Variants in CNOT2 observed in about 807,000 individuals in gnomAD.
The protein encoded by CNOT2 is CC chemokine receptor 4-negative regulator of transcription 2.
CNOT2 carries 7 observed loss-of-function variants against 72.1 expected under a neutral mutation model. That is an observed-to-expected ratio of 0.10 (90% CI 0.06 to 0.18). The LOEUF is 0.18. Among genes scored for constraint, CNOT2 ranks in the 10% least tolerant of loss-of-function variants. The probability of loss-of-function intolerance (pLI) is 1.00; values close to 1 mark genes in which losing one functional copy is unlikely to be tolerated. For missense variants in CNOT2, 345 were observed against 660.3 expected, an observed-to-expected ratio of 0.52 and a Z score of 5.23; for synonymous variants, 196 against 225.6, an observed-to-expected ratio of 0.87 and a Z score of 1.17.
intron 11 of CNOT2, among the ~76,000 whole-genome samples, chr12:70,341,002 T>C (rs1038039465): frequency 6.6e-6 from 1 of 150,894 alleles, no homozygotes; most frequent in African/African-American, 2.4e-5. Flanking sequence ...TCCAAGCGAT[T>C]CTCCTGAGTA....
chr12:70,336,063 T>C (rs11178191), intron 8 of CNOT2: 1 of 152,624 alleles, frequency 6.6e-6, no homozygotes, highest in African/African-American at 2.4e-5. Flanking sequence ...TTATACAGAA[T>C]GTTAAGCAAT....
chr12:70,305,544 C>G (rs1875132612), intron 2 of CNOT2, among the ~76,000 whole-genome samples: 1 of 152,130 alleles, frequency 6.6e-6, no homozygotes, highest in African/African-American at 2.4e-5. Flanking sequence ...TTGGTTTGAT[C>G]AGCTTGAATT....
chr12:70,243,205 CTG>C (rs1957649156), upstream of CNOT2: 1 of 152,576 alleles, frequency 6.6e-6, no homozygotes, highest in Non-Finnish European at 1.5e-5. Context: ...GCAAGCCTCC[CTG>C]TGAGTCGGTG....
At chr12:70,316,758 C>T (rs900660726) in intron 3 of CNOT2, among the ~76,000 whole-genome samples, 2 of 152,032 alleles carry the variant, frequency 1.3e-5, no homozygotes, top group African/African-American at 2.4e-5. Flanking sequence ...AGTAATTGGC[C>T]TAGGGACCTA....
intron 1 of CNOT2, among the ~76,000 whole-genome samples, chr12:70,244,555 A>T (rs1957783157): frequency 1.3e-5 from 2 of 152,174 alleles, no homozygotes; most frequent in Admixed American, 1.3e-4. Context: ...AAAGTCTTAC[A>T]TTAAGGGTAC....
intron 1 of CNOT2, among the ~76,000 whole-genome samples, chr12:70,248,366 CTTTTG>C (rs1957985399): frequency 6.6e-6 from 1 of 152,038 alleles, no homozygotes. Context: ...TTGATCATTT[CTTTTG>C]TTTTGTTTTG....
rs1403086921 is a variant in CNOT2 at position 70,262,457 on chromosome 12, A to G, written c.-95-15675A>G. On this transcript the variant is annotated intron_variant, in intron 1 of 15. Coordinates refer to ENST00000229195, the MANE Select transcript of CNOT2 (RefSeq NM_014515.7). The stretch of plus-strand genomic sequence containing the variant: ...CCCGGTCAATTTTTTTGTATTTTTT[A>G]GTGGAGACGGGGTTTCACCGTGTTA... Among the ~76,000 whole-genome samples, 3 of 151,626 alleles carry G rather than the reference A, an allele frequency of 2.0e-5. No homozygotes were observed. In the East Asian group the frequency reaches 5.9e-4, roughly 30 times the overall value.
rs562077083 is a variant in CNOT2, at chr12:70,284,276, ACT to A, written c.48+6005_48+6006del. On this transcript the variant is annotated intron_variant, in intron 2 of 15. Coordinates refer to ENST00000229195, the MANE Select transcript of CNOT2 (RefSeq NM_014515.7). ...TTTTTTCTTTTTGAGACAGGGTCTC[ACT>A]CTGTCACCCAGGCTGGAGTGCAGTG... Among the ~76,000 whole-genome samples the A allele has an allele frequency of 1.6e-3, 213 of 135,160 alleles. 1 individual carries two copies. The highest frequency in any genetic ancestry group is 5.7e-3 in the African/African-American group (203 of 35,564). The allele number at this position is 135,160 out of a possible 152,430, so 88.7% of individuals were successfully genotyped here.
intron 1 of CNOT2, among the ~76,000 whole-genome samples, chr12:70,265,080 A>T (rs928297297): frequency 6.6e-6 from 1 of 151,880 alleles, no homozygotes; most frequent in Non-Finnish European, 1.5e-5. Context: ...TTTATGAGGA[A>T]TATTGGTCTT....
chr12:70,294,998 T>C (rs1000989124), intron 2 of CNOT2, among the ~76,000 whole-genome samples: 2 of 152,196 alleles, frequency 1.3e-5, no homozygotes, highest in African/African-American at 4.8e-5. Context: ...ATTTTCTCCT[T>C]GTCTGCCTTG....
intron 15 of CNOT2, among the ~76,000 whole-genome samples, chr12:70,350,777 C>T (rs1309726224): frequency 6.6e-6 from 1 of 151,998 alleles, no homozygotes; most frequent in African/African-American, 2.4e-5. Context: ...ATAAATATTC[C>T]AAAATCCAAA....
At chr12:70,347,701 A>C (rs933615845) in intron 15 of CNOT2, 2 of 152,088 alleles carry the variant, frequency 1.3e-5, no homozygotes, top group African/African-American at 4.8e-5. Context: ...TAAGAAATTA[A>C]ATCTTTTTTT....
rs1274899663 is a variant in CNOT2 at position 70,332,648 on chromosome 12, T to G, written c.570-119T>G. On this transcript the variant is annotated intron_variant, in intron 6 of 15. Transcript: ENST00000229195. Reference sequence around the variant, plus strand: ...AATAGATTCAGAAAAATAATATTAGTGTTGGTTTTGAAACATATTGTTATT... The same window carrying G: ...AATAGATTCAGAAAAATAATATTAGGGTTGGTTTTGAAACATATTGTTATT... 2.4e-6 allele frequency: 3 copies of G among 1,266,282 alleles called. No homozygotes were observed. In the African/African-American group the frequency reaches 4.6e-5, roughly 20 times the overall value. The allele number at this position is 1,266,282 out of a possible 1,614,324, so 78.4% of individuals were successfully genotyped here.
intron 1 of CNOT2, among the ~76,000 whole-genome samples, chr12:70,259,402 C>T (rs1158104212): frequency 3.3e-5 from 5 of 151,936 alleles, no homozygotes; most frequent in African/African-American, 9.7e-5. Flanking sequence ...ACAAGGTACC[C>T]GTTTAAGTGT....
At chr12:70,273,137 A>G (rs1434889804) in intron 1 of CNOT2, among the ~76,000 whole-genome samples, 1 of 151,878 alleles carries the variant, frequency 6.6e-6, no homozygotes, top group East Asian at 1.9e-4. Flanking sequence ...AGCTATTACC[A>G]TTTTTCACTT....
chr12:70,294,074 G>C, intron 2 of CNOT2: 3 of 1,262,668 alleles, frequency 2.4e-6, no homozygotes, highest in Non-Finnish European at 3.1e-6. Context: ...TTCAAAGAGC[G>C]GAAGAATCCC....
chr12:70,329,603 A>C lies in CNOT2; in HGVS notation c.386+33A>C, dbSNP rs1021501343. On this transcript the variant is annotated intron_variant, in intron 5 of 15. Transcript: ENST00000229195. ...TTGATGGACCAGAATATTTTTCAAA[A>C]TGTATCTTGGTAGAGTAAACAAACT... The C allele has an allele frequency of 5.9e-6, 9 of 1,531,738 alleles. No individual in the cohort carries two copies. In the African/African-American group the frequency reaches 1.2e-4, roughly 21 times the overall value. The allele number at this position is 1,531,738 out of a possible 1,614,324, so 94.9% of individuals were successfully genotyped here.
intron 1 of CNOT2, among the ~76,000 whole-genome samples, chr12:70,263,231 G>C (rs1321571070): frequency 1.3e-5 from 2 of 152,148 alleles, no homozygotes; most frequent in African/African-American, 2.4e-5. Flanking sequence ...TGGATGTGTA[G>C]ATTAGTGTTT....
At chr12:70,320,189 A>G (rs1456484259) in intron 4 of CNOT2, among the ~76,000 whole-genome samples, 1 of 151,700 alleles carries the variant, frequency 6.6e-6, no homozygotes, top group Non-Finnish European at 1.5e-5. Flanking sequence ...CCCATCAGAC[A>G]TTATAGGATA....
Sources: gnomAD v4.1 joint callset for allele counts (sites outside exome capture counted in the v4.1 genomes callset) on GRCh38, gnomAD v4.1.1 for gene constraint, MANE v1.5 for transcripts, NCBI Gene and HGNC (gene_info 2026-07-23, HGNC 2026-07-21) for gene names.